POLR3E: variants seen among roughly 807,000 people sequenced by gnomAD.
POLR3E encodes DNA-directed RNA polymerase III subunit RPC5.
Under a neutral mutation model 96.6 loss-of-function variants are expected in POLR3E, and 41 were observed. The observed-to-expected ratio is 0.42, with a 90% confidence interval of 0.33 to 0.55. The LOEUF (loss-of-function observed/expected upper bound fraction) is 0.55. Among genes scored for constraint, POLR3E ranks in the 20% least tolerant of loss-of-function variants. The pLI, the probability that POLR3E is intolerant of heterozygous loss-of-function variation, is 0.06. For missense variants in POLR3E, 849 were observed against 952.1 expected (o/e 0.89, Z 1.43); for synonymous variants, 396 against 383.6 (o/e 1.03, Z -0.38).
rs1476216707 is a variant in POLR3E, at chr16:22,332,152, T to G, written c.2037T>G (p.Asp679Glu). Residue 679 changes from aspartate (D) to glutamate (E), a missense_variant, in exon 20 of 21, where the codon GAT becomes GAG. Physicochemically the swap from Asp to Glu is conservative, Grantham distance 45. Transcript: ENST00000299853. ...QSRLTQECGEDLSKQEVDKVL... is the reference protein window; with the variant it reads ...QSRLTQECGEELSKQEVDKVL... Reference sequence around the variant, plus strand: ...GGTTGACTCAAGAGTGTGGAGAAGATCTCAGTAAACAGGAGGTGGATAAAG... The same window carrying G: ...GGTTGACTCAAGAGTGTGGAGAAGAGCTCAGTAAACAGGAGGTGGATAAAG... The G allele has an allele frequency of 6.2e-7, 1 of 1,613,496 alleles. No homozygotes were observed. The highest frequency in any genetic ancestry group is 2.2e-5 in the East Asian group (1 of 44,898).
At chr16:22,315,434 G>T (rs1026032880) in intron 9 of POLR3E, among the ~76,000 whole-genome samples, 2 of 152,182 alleles carry the variant, frequency 1.3e-5, no homozygotes, top group Non-Finnish European at 2.9e-5. Context: ...CCTGGGTGGG[G>T]TTTGGCCCCT....
chr16:22,301,419 T>C (rs1404712856), intron 1 of POLR3E, among the ~76,000 whole-genome samples: 1 of 151,996 alleles, frequency 6.6e-6, no homozygotes, highest in Non-Finnish European at 1.5e-5. Flanking sequence ...CCGTCTCTAC[T>C]GAAAATACAA....
In POLR3E at chr16:22,326,296, T is replaced by C; in HGVS notation, c.1866+18T>C. On this transcript the variant is annotated intron_variant, in intron 18 of 20. Transcript: ENST00000299853. The stretch of plus-strand genomic sequence containing the variant: ...TGGTGCCTGTAAGTAGAGCCCTGCC[T>C]GCCAGGGGCATGGGGGGTGGGGGGT... 1.9e-6 allele frequency: 1 copy of C among 529,654 alleles called. No individual in the cohort carries two copies. The highest frequency in any genetic ancestry group is 3.4e-6 in the Non-Finnish European group (1 of 297,706). The allele number at this position is 529,654 out of a possible 1,614,324, so 32.8% of individuals were successfully genotyped here. A position where few individuals can be genotyped will look rare whatever the true frequency, so the allele number is the denominator to read the frequency against.
At chr16:22,306,849 A>C (rs1356806004) in intron 3 of POLR3E, among the ~76,000 whole-genome samples, 1 of 152,192 alleles carries the variant, frequency 6.6e-6, no homozygotes, top group Non-Finnish European at 1.5e-5. Flanking sequence ...CCCATGATGC[A>C]CATGAGAACG....
intron 1 of POLR3E, among the ~76,000 whole-genome samples, chr16:22,299,907 G>A (rs1226597945): frequency 6.6e-6 from 1 of 151,808 alleles, no homozygotes; most frequent in East Asian, 1.9e-4. Flanking sequence ...GGCGGGGGGC[G>A]CCTCACTATG....
intron 16 of POLR3E, 109 bp from the exon 17 acceptor site, chr16:22,325,096 G>C: frequency 1.2e-6 from 1 of 857,004 alleles, no homozygotes; most frequent in African/African-American, 1.7e-5. Context: ...CTCCAAGCCT[G>C]CGCTGTCAGT....
intron 19 of POLR3E, chr16:22,328,928 C>G: frequency 3.3e-6 from 1 of 301,532 alleles, no homozygotes; most frequent in Non-Finnish European, 6.5e-6. Flanking sequence ...GAGTTTGACA[C>G]CAGCCTGACC....
At chr16:22,316,380 T>C (rs1046709157) in intron 9 of POLR3E, among the ~76,000 whole-genome samples, 3 of 152,096 alleles carry the variant, frequency 2.0e-5, no homozygotes, top group African/African-American at 7.2e-5. Context: ...GTACCTGTGT[T>C]ACAGACAAGG....
chr16:22,314,148 G>A lies in POLR3E; in HGVS notation c.522+20G>A. On this transcript the variant is annotated intron_variant, in intron 8 of 20. Coordinates refer to ENST00000299853, the MANE Select transcript of POLR3E (RefSeq NM_018119.4). ...ATCACGGTGAGCCCTGGCCCCTGGA[G>A]GAGGAGGGTGCTGCCTGGGCGGCAG... 6.2e-7 allele frequency: 1 copy of A among 1,610,578 alleles called. No individual in the cohort carries two copies.
chr16:22,309,384 C>T (rs772282100), intron 5 of POLR3E, 44 bp from the exon 6 acceptor site: 31 of 1,431,410 alleles, frequency 2.2e-5, no homozygotes, highest in Admixed American at 3.3e-5. Context: ...GGCCCTGGCT[C>T]GGAGCTGCCT....
At chr16:22,304,246 C>G (rs988440036) in intron 2 of POLR3E, among the ~76,000 whole-genome samples, 8 of 152,290 alleles carry the variant, frequency 5.3e-5, no homozygotes, top group East Asian at 1.9e-4. Context: ...ATATGCGGAG[C>G]CTGACCTCCA....
rs2048791269 is a variant in POLR3E at position 22,333,690 on chromosome 16, TAC to T, written c.2119_2120del (p.Gln707ValfsTer9). 6.2e-7 allele frequency: 1 copy of T among 1,608,780 alleles called. No homozygotes were observed. Among genetic ancestry groups the T allele is most frequent in the Non-Finnish European group, 8.5e-7 (1 of 1,175,094 alleles). ...GGCATGTGGTACCTTAAAGGGACAG[TAC>T]AGTCTTGACAATAGTAGCAAACTAC... is the stretch of plus-strand genomic sequence containing the variant. On this transcript the variant is annotated frameshift_variant, in exon 21 of 21. Coordinates refer to ENST00000299853, the MANE Select transcript of POLR3E (RefSeq NM_018119.4). LOFTEE classifies it high-confidence loss of function.
Position 22,308,938 on chromosome 16 carries a change from T to A in POLR3E, c.179T>A (p.Met60Lys). The A allele has an allele frequency of 6.2e-7, 1 of 1,613,200 alleles. No individual in the cohort carries two copies. Among genetic ancestry groups the A allele is most frequent in the South Asian group, 1.1e-5 (1 of 91,062 alleles). ...KPKQQKVELE[M>K]AIDTLNPNYC... Reference sequence around the variant, plus strand: ...TGGTGCCTCCAGGTAGAGCTTGAGATGGCCATCGACACCCTGAACCCCAAC... The same window carrying A: ...TGGTGCCTCCAGGTAGAGCTTGAGAAGGCCATCGACACCCTGAACCCCAAC... Residue 60 changes from methionine (M) to lysine (K), a missense_variant, in exon 5 of 21, where the codon ATG (methionine) becomes AAG (lysine). Met to Lys is a moderately conservative substitution (Grantham distance 95). Coordinates refer to ENST00000299853, the MANE Select transcript of POLR3E (RefSeq NM_018119.4).
chr16:22,326,354 G>C (rs2048594970), intron 18 of POLR3E, 76 bp downstream of exon 18: 1 of 1,223,616 alleles, frequency 8.2e-7, no homozygotes. Context: ...GCCACGTGGG[G>C]ACACGGGAGG....
Position 22,313,543 on chromosome 16 carries a change from CACGGG to C in POLR3E, c.365-74_365-70del. 1.1e-6 allele frequency: 1 copy of C among 897,800 alleles called. No homozygotes were observed. The highest frequency in any genetic ancestry group is 1.8e-6 in the Non-Finnish European group (1 of 540,932). 55.6% of individuals were successfully genotyped at this position (897,800 alleles called of 1,614,324 possible). On this transcript the variant is annotated intron_variant, in intron 6 of 20. Transcript: ENST00000299853. The surrounding 1 kb of genome is among the most constrained non-coding windows in gnomAD (Gnocchi z 4.1). ...CGGTTTGATGGTGGGCCTAGGCCTT[CACGGG>C]ACTTGGTGACTCTCTTGAGCCAAAC...
chr16:22,315,302 A>G (rs1410879590), intron 9 of POLR3E, 94 bp downstream of exon 9: 1 of 1,318,854 alleles, frequency 7.6e-7, no homozygotes, highest in Non-Finnish European at 1.0e-6. Flanking sequence ...CTTAAGTCAA[A>G]TTCATGAGTC....
intron 9 of POLR3E, among the ~76,000 whole-genome samples, chr16:22,315,522 G>T (rs1224401623): frequency 6.6e-6 from 1 of 152,148 alleles, no homozygotes; most frequent in Non-Finnish European, 1.5e-5. Flanking sequence ...GGCCCTAAAC[G>T]CAGGCCAGAT....
intron 3 of POLR3E, chr16:22,305,514 T>A (rs922124746): frequency 2.4e-5 from 14 of 595,226 alleles, no homozygotes; most frequent in Non-Finnish European, 4.4e-5. Context: ...TTAATCCTTC[T>A]GTGCCTCACT....
At chr16:22,323,437 C>G (rs2048512118) in intron 14 of POLR3E, among the ~76,000 whole-genome samples, 1 of 152,056 alleles carries the variant, frequency 6.6e-6, no homozygotes, top group Non-Finnish European at 1.5e-5. Context: ...CCCATGGCCT[C>G]CCTCCCAAGG....
Sources: gnomAD v4.1 joint callset for allele counts (sites outside exome capture counted in the v4.1 genomes callset) on GRCh38, gnomAD v4.1.1 for gene constraint, Gnocchi (gnomAD v3.1) non-coding constraint, MANE v1.5 for transcripts, NCBI Gene and HGNC (gene_info 2026-07-23, HGNC 2026-07-21) for gene names.